The following AGBL4 variants were observed in gnomAD, a reference collection of about 807,000 sequenced individuals.
AGBL4 encodes the protein cytosolic carboxypeptidase 6.
A neutral mutation model predicts 66.4 loss-of-function variants in AGBL4; 58 were observed. The observed-to-expected ratio is 0.87, with a 90% CI of 0.71 to 1.09. AGBL4 has a LOEUF of 1.09. Among genes scored for constraint, AGBL4 ranks in the 50% least tolerant of loss-of-function variants. AGBL4 has a pLI of 0.00. For missense variants in AGBL4, 579 were observed against 631.0 expected, an observed-to-expected ratio of 0.92 and a Z score of 0.88; for synonymous variants, 234 against 222.9, an observed-to-expected ratio of 1.05 and a Z score of -0.44.
In AGBL4 at chr1:49,095,550, C is replaced by T. The variant is rs1043059552; in HGVS notation, c.378-49750G>A. Among the ~76,000 whole-genome samples the T allele has an allele frequency of 3.3e-5, 5 of 152,174 alleles. No individual in the cohort carries two copies. In the South Asian group the frequency reaches 6.2e-4, roughly 19 times the overall value. ...AATAATGCAACATATCTACAACTATCGGATCTTTGACAAACCTGACAAAAA... is the reference window on the plus strand; with the variant it reads ...AATAATGCAACATATCTACAACTATTGGATCTTTGACAAACCTGACAAAAA... On this transcript the variant is annotated intron_variant, in intron 4 of 13. Transcript: ENST00000371839.
intron 3 of AGBL4, among the ~76,000 whole-genome samples, chr1:49,560,984 A>G (rs1276481657): frequency 6.6e-6 from 1 of 152,122 alleles, no homozygotes; most frequent in Non-Finnish European, 1.5e-5. Flanking sequence ...GAAGAAAAAG[A>G]TGCCAGTGAG....
At chr1:48,777,597 A>G (rs1645159265) in intron 6 of AGBL4, among the ~76,000 whole-genome samples, 1 of 152,172 alleles carries the variant, frequency 6.6e-6, no homozygotes, top group South Asian at 2.1e-4. Context: ...CTGCCAAACC[A>G]GTTCTGACCA....
At chr1:49,428,255 ATGTTT>A (rs1316902943) in intron 3 of AGBL4, among the ~76,000 whole-genome samples, 2 of 152,208 alleles carry the variant, frequency 1.3e-5, no homozygotes, top group Non-Finnish European at 2.9e-5. Flanking sequence ...TGTTCAGTTA[ATGTTT>A]TGTTTTATTT....
At chr1:48,899,921 G>T (rs1651921716) in intron 5 of AGBL4, among the ~76,000 whole-genome samples, 1 of 152,106 alleles carries the variant, frequency 6.6e-6, no homozygotes, top group Admixed American at 6.6e-5. Context: ...GTATCATGAA[G>T]AAATAAATAT....
chr1:49,820,119 C>T (rs1404464865), intron 2 of AGBL4, among the ~76,000 whole-genome samples: 1 of 152,132 alleles, frequency 6.6e-6, no homozygotes, highest in African/African-American at 2.4e-5. Flanking sequence ...GGTACCCAGA[C>T]ATTTAAAAAT....
chr1:49,833,997 G>A (rs964817000), intron 2 of AGBL4, among the ~76,000 whole-genome samples: 1 of 152,116 alleles, frequency 6.6e-6, no homozygotes, highest in African/African-American at 2.4e-5. Context: ...GGATTTTATT[G>A]AGGATTTTCG....
chr1:49,508,095 C>T (rs756002605), intron 3 of AGBL4, among the ~76,000 whole-genome samples: 14 of 151,802 alleles, frequency 9.2e-5, no homozygotes, highest in Non-Finnish European at 1.5e-4. Context: ...AGTGTAAACA[C>T]TAATCCAAGA....
At chr1:48,814,560 C>T (rs140586200) in intron 6 of AGBL4, among the ~76,000 whole-genome samples, 2 of 151,600 alleles carry the variant, frequency 1.3e-5, no homozygotes, top group African/African-American at 2.4e-5. Flanking sequence ...CTCCTATCTA[C>T]CTGTAATCTT....
rs1446034005 is a variant in AGBL4 at position 48,586,999 on chromosome 1, G to A, written c.1267+5C>T. On this transcript the variant is annotated splice_donor_5th_base_variant and intron_variant, in intron 11 of 13. Coordinates refer to ENST00000371839, the MANE Select transcript of AGBL4 (RefSeq NM_032785.4). ...GGCCCAAGGCTGGGTGGGGACTAAG[G>A]ATACAGGCTTCTTCAGTGTAGGGCA... The A allele has an allele frequency of 6.2e-7, 1 of 1,610,432 alleles. No individual in the cohort carries two copies. Among genetic ancestry groups the A allele is most frequent in the East Asian group, 2.2e-5 (1 of 44,774 alleles).
intron 5 of AGBL4, among the ~76,000 whole-genome samples, chr1:48,957,239 T>C (rs1041028774): frequency 2.6e-5 from 4 of 152,236 alleles, no homozygotes; most frequent in African/African-American, 9.6e-5. Context: ...CATCATATTG[T>C]ACTTGTCAAC....
chr1:49,804,680 A>C (rs1342284627), intron 2 of AGBL4, among the ~76,000 whole-genome samples: 5 of 152,216 alleles, frequency 3.3e-5, no homozygotes, highest in Non-Finnish European at 5.9e-5. Flanking sequence ...TTGTAGGACT[A>C]ACTAGTGTAA....
intron 4 of AGBL4, among the ~76,000 whole-genome samples, chr1:49,085,569 A>T (rs1464544426): frequency 2.0e-5 from 3 of 151,948 alleles, no homozygotes; most frequent in Non-Finnish European, 4.4e-5. Context: ...AGGAAACAAA[A>T]GGGCTAGTGA....
chr1:49,915,937 G>A (rs753727861), intron 1 of AGBL4, among the ~76,000 whole-genome samples: 9 of 152,146 alleles, frequency 5.9e-5, no homozygotes, highest in Admixed American at 3.3e-4. Context: ...AATATTCACT[G>A]TTCTACAGCC....
intron 5 of AGBL4, among the ~76,000 whole-genome samples, chr1:48,937,755 C>A (rs1292803801): frequency 6.6e-6 from 1 of 152,144 alleles, no homozygotes; most frequent in African/African-American, 2.4e-5. Flanking sequence ...GCTTGTCAGA[C>A]TCAAAAAGCA....
chr1:48,878,901 GGC>G (rs1649482301), intron 5 of AGBL4, among the ~76,000 whole-genome samples: 1 of 152,116 alleles, frequency 6.6e-6, no homozygotes, highest in Non-Finnish European at 1.5e-5. Flanking sequence ...AAAAGTGCCA[GGC>G]CATAAAAGTC....
At chr1:49,091,748 T>C (rs1027870319) in intron 4 of AGBL4, among the ~76,000 whole-genome samples, 1 of 152,154 alleles carries the variant, frequency 6.6e-6, no homozygotes, top group Non-Finnish European at 1.5e-5. Context: ...ATCTCAGCGC[T>C]ATTCACAATG....
At chr1:48,655,753 T>C (rs1342731043) in intron 7 of AGBL4, among the ~76,000 whole-genome samples, 1 of 152,132 alleles carries the variant, frequency 6.6e-6, no homozygotes, top group Non-Finnish European at 1.5e-5. Context: ...AACAATGAAA[T>C]TTGGAGACAA....
At chr1:49,948,928 A>G (rs1351642588) in intron 1 of AGBL4, among the ~76,000 whole-genome samples, 1 of 151,344 alleles carries the variant, frequency 6.6e-6, no homozygotes, top group African/African-American at 2.4e-5. Context: ...CACATTACAC[A>G]TTAGAATAAT....
intron 3 of AGBL4, among the ~76,000 whole-genome samples, chr1:49,353,688 C>T (rs1030203503): frequency 6.6e-6 from 1 of 152,054 alleles, no homozygotes; most frequent in Non-Finnish European, 1.5e-5. Context: ...CCCACCACAC[C>T]CCCTGTCCTG....
Sources: allele counts gnomAD v4.1 joint callset (sites outside exome capture counted in the v4.1 genomes callset), GRCh38; gene constraint gnomAD v4.1.1; transcripts MANE v1.5; gene names NCBI Gene and HGNC (gene_info 2026-07-23, HGNC 2026-07-21).